CCSER1: variants seen among roughly 807,000 people sequenced by gnomAD.
CCSER1 encodes the protein serine-rich coiled-coil domain-containing protein 1.
CCSER1 carries 41 observed loss-of-function variants against 82.0 expected under a neutral mutation model. That is an observed-to-expected ratio of 0.50 (90% CI 0.39 to 0.65). The LOEUF is 0.65. Among genes scored for constraint, CCSER1 ranks in the 30% least tolerant of loss-of-function variants. The probability of loss-of-function intolerance (pLI) is 0.00; values close to 1 mark genes in which losing one functional copy is unlikely to be tolerated. For synonymous variants in CCSER1, 414 were observed against 383.9 expected, an observed-to-expected ratio of 1.08 and a Z score of -0.92; for missense variants, 1,119 against 1,064.2, an observed-to-expected ratio of 1.05 and a Z score of -0.72.
chr4:91,024,441 T>G (rs1372027432), intron 9 of CCSER1, among the ~76,000 whole-genome samples: 1 of 152,122 alleles, frequency 6.6e-6, no homozygotes, highest in Non-Finnish European at 1.5e-5. Context: ...TTTTAAATTC[T>G]GAGAAAAACT....
At chr4:90,765,042 C>A (rs1015726706) in intron 7 of CCSER1, among the ~76,000 whole-genome samples, 1 of 152,114 alleles carries the variant, frequency 6.6e-6, no homozygotes, top group Admixed American at 6.6e-5. Context: ...GAAAAAAAAT[C>A]ATGACAACCT....
At chr4:90,916,239 G>A (rs563260348) in intron 8 of CCSER1, among the ~76,000 whole-genome samples, 61 of 152,246 alleles carry the variant, frequency 4.0e-4, no homozygotes, top group African/African-American at 1.4e-3. Flanking sequence ...AAAGCTGGAG[G>A]CATCGCGCTA....
chr4:91,515,065 G>C (rs1760030602), intron 10 of CCSER1, among the ~76,000 whole-genome samples: 1 of 152,060 alleles, frequency 6.6e-6, no homozygotes. Flanking sequence ...ATGTGACCCA[G>C]TTACATTGTC....
At chr4:90,773,962 A>T (rs932138187) in intron 7 of CCSER1, among the ~76,000 whole-genome samples, 4 of 152,176 alleles carry the variant, frequency 2.6e-5, no homozygotes, top group Admixed American at 6.5e-5. Flanking sequence ...GATCAATGAA[A>T]TGAGAATTGT....
At chr4:90,856,836 T>C (rs1306814331) in intron 8 of CCSER1, among the ~76,000 whole-genome samples, 1 of 152,070 alleles carries the variant, frequency 6.6e-6, no homozygotes, top group African/African-American at 2.4e-5. Flanking sequence ...TGCCATAATA[T>C]TTTATCAGTG....
intron 9 of CCSER1, among the ~76,000 whole-genome samples, chr4:90,929,366 T>A (rs900303008): frequency 6.6e-6 from 1 of 152,220 alleles, no homozygotes; most frequent in Non-Finnish European, 1.5e-5. Flanking sequence ...AGTACTTTTT[T>A]ATATCCAACA....
chr4:91,169,201 T>TA (rs57715555), intron 10 of CCSER1, among the ~76,000 whole-genome samples: 4,817 of 122,914 alleles, frequency 0.039, 284 homozygotes, highest in African/African-American at 0.12. Flanking sequence ...CAATAAATAC[T>TA]AAAAAAAAAA....
chr4:90,457,030 C>T (rs901320289), intron 4 of CCSER1, among the ~76,000 whole-genome samples: 13 of 152,150 alleles, frequency 8.5e-5, no homozygotes, highest in African/African-American at 3.1e-4. Context: ...AGGCATGAAG[C>T]GGTGAGGAGT....
intron 10 of CCSER1, among the ~76,000 whole-genome samples, chr4:91,583,691 A>C (rs1763846906): frequency 6.6e-6 from 1 of 151,490 alleles, no homozygotes; most frequent in Admixed American, 6.6e-5. Flanking sequence ...TGTGCATTAC[A>C]CTAAGTAGTA....
chr4:90,487,592 A>G (rs1286341199), intron 5 of CCSER1, among the ~76,000 whole-genome samples: 1 of 152,252 alleles, frequency 6.6e-6, no homozygotes, highest in African/African-American at 2.4e-5. Context: ...AAGGGCCTCA[A>G]TAAGCATGTA....
chr4:90,329,503 A>G (rs962589101), intron 3 of CCSER1, among the ~76,000 whole-genome samples: 3 of 152,182 alleles, frequency 2.0e-5, no homozygotes, highest in Admixed American at 2.0e-4. Flanking sequence ...CATTTAGGGT[A>G]TATCTTTACC....
intron 5 of CCSER1, among the ~76,000 whole-genome samples, chr4:90,565,655 A>G (rs1779278935): frequency 1.3e-5 from 2 of 152,072 alleles, no homozygotes; most frequent in Admixed American, 6.5e-5. Flanking sequence ...GTCATATATG[A>G]TTTTTATTAT....
intron 8 of CCSER1, among the ~76,000 whole-genome samples, chr4:90,899,505 G>C (rs573120249): frequency 6.6e-6 from 1 of 152,142 alleles, no homozygotes; most frequent in South Asian, 2.1e-4. Flanking sequence ...AGAGTGGTGA[G>C]AGTGGATATT....
At chr4:91,184,747 C>T (rs1358645673) in intron 10 of CCSER1, among the ~76,000 whole-genome samples, 1 of 152,114 alleles carries the variant, frequency 6.6e-6, no homozygotes, top group Non-Finnish European at 1.5e-5. Context: ...CTTTGTTTTT[C>T]CCCTTGACTT....
chr4:90,496,666 T>C (rs537077707), intron 5 of CCSER1, among the ~76,000 whole-genome samples: 1 of 152,242 alleles, frequency 6.6e-6, no homozygotes, highest in East Asian at 1.9e-4. Context: ...TGAAGGTAAC[T>C]AAAGAAACCT....
At chr4:91,207,673 T>C (rs541765831) in intron 10 of CCSER1, among the ~76,000 whole-genome samples, 1 of 152,104 alleles carries the variant, frequency 6.6e-6, no homozygotes, top group South Asian at 2.1e-4. Flanking sequence ...CTACTGTGAA[T>C]AGTGCTGCGG....
chr4:91,471,929 C>T (rs573377124), intron 10 of CCSER1, among the ~76,000 whole-genome samples: 1 of 144,544 alleles, frequency 6.9e-6, no homozygotes, highest in Admixed American at 7.0e-5. Context: ...GAGATCGTGC[C>T]ACTGCACTCC....
intron 1 of CCSER1, among the ~76,000 whole-genome samples, chr4:90,300,107 T>C (rs189597614): frequency 6.6e-6 from 1 of 152,288 alleles, no homozygotes; most frequent in Admixed American, 6.5e-5. Context: ...AGATTTAACT[T>C]ATGCAGCATT....
At chr4:91,300,976 C>G (rs936797232) in intron 10 of CCSER1, among the ~76,000 whole-genome samples, 2 of 151,818 alleles carry the variant, frequency 1.3e-5, no homozygotes, top group Non-Finnish European at 2.9e-5. Context: ...TTGCTACTCA[C>G]TTTATCCTAA....
Sources: gnomAD v4.1 joint callset for allele counts (sites outside exome capture counted in the v4.1 genomes callset) on GRCh38, gnomAD v4.1.1 for gene constraint, MANE v1.5 for transcripts, NCBI Gene and HGNC (gene_info 2026-07-23, HGNC 2026-07-21) for gene names.